Variants in DOCK3 observed in about 807,000 individuals in gnomAD.
DOCK3 encodes dedicator of cytokinesis protein 3.
A neutral mutation model predicts 265.6 loss-of-function variants in DOCK3; 60 were observed. The observed-to-expected ratio is 0.23, with a 90% CI of 0.18 to 0.28. DOCK3 has a LOEUF of 0.28. Among genes scored for constraint, DOCK3 ranks in the 10% least tolerant of loss-of-function variants. The pLI is 1.00. For synonymous variants in DOCK3, 881 were observed against 938.0 expected, an observed-to-expected ratio of 0.94 and a Z score of 1.11; for missense variants, 1,981 against 2,594.3, an observed-to-expected ratio of 0.76 and a Z score of 5.14.
At chr3:51,037,367 T>C (rs1392015860) in intron 5 of DOCK3, among the ~76,000 whole-genome samples, 3 of 152,164 alleles carry the variant, frequency 2.0e-5, no homozygotes, top group East Asian at 1.9e-4. Context: ...TAGTTCTTTA[T>C]TGGTGATTTG....
At chr3:51,148,057 A>C (rs2107317964) in intron 10 of DOCK3, among the ~76,000 whole-genome samples, 1 of 152,230 alleles carries the variant, frequency 6.6e-6, no homozygotes, top group East Asian at 1.9e-4. Flanking sequence ...ATGGTATCTC[A>C]TTGTGATTTT....
At chr3:51,142,453 G>T (rs540679127) in intron 9 of DOCK3, among the ~76,000 whole-genome samples, 1 of 152,138 alleles carries the variant, frequency 6.6e-6, no homozygotes, top group African/African-American at 2.4e-5. Context: ...CTATAGTTTT[G>T]TCTTTTCCAG....
intron 9 of DOCK3, among the ~76,000 whole-genome samples, chr3:51,099,664 A>G (rs1368973879): frequency 6.6e-6 from 1 of 152,224 alleles, no homozygotes; most frequent in African/African-American, 2.4e-5. Flanking sequence ...TACACCTGCT[A>G]TGTGCTTGTG....
chr3:51,111,005 C>CA (rs2083491582), intron 9 of DOCK3, among the ~76,000 whole-genome samples: 1 of 152,132 alleles, frequency 6.6e-6, no homozygotes, highest in Non-Finnish European at 1.5e-5. Flanking sequence ...AATCAGTGTA[C>CA]AAAAATCACT....
intron 19 of DOCK3, among the ~76,000 whole-genome samples, chr3:51,230,506 G>T (rs2127654): frequency 0.091 from 13,838 of 151,676 alleles, 1,316 homozygotes; most frequent in East Asian, 0.32. Context: ...TTGTCTTTTT[G>T]TTGTTGTTGT....
chr3:51,220,709 G>GTGTATATATATA (rs1208536854), intron 14 of DOCK3, among the ~76,000 whole-genome samples: 1 of 132,386 alleles, frequency 7.6e-6, no homozygotes, highest in Admixed American at 8.4e-5. Context: ...GTGTGTGTGT[G>GTGTATATATATA]TATATATATA....
chr3:50,937,587 C>G (rs979845908), intron 5 of DOCK3, among the ~76,000 whole-genome samples: 1 of 151,992 alleles, frequency 6.6e-6, no homozygotes, highest in Non-Finnish European at 1.5e-5. Flanking sequence ...ACCCGGAAGG[C>G]AGAGCTTGCA....
intron 5 of DOCK3, among the ~76,000 whole-genome samples, chr3:50,951,746 CTT>C (rs1291687925): frequency 6.6e-6 from 1 of 151,676 alleles, no homozygotes; most frequent in Non-Finnish European, 1.5e-5. Flanking sequence ...TTAAAACAAT[CTT>C]GAGAGAAAAC....
At chr3:50,977,443 C>A (rs1262742586) in intron 5 of DOCK3, among the ~76,000 whole-genome samples, 3 of 152,160 alleles carry the variant, frequency 2.0e-5, no homozygotes, top group African/African-American at 4.8e-5. Context: ...GTTGAAAATT[C>A]TTTTCTTTAA....
In DOCK3 at chr3:51,310,128, C is replaced by T. The variant is rs1423645211; in HGVS notation, c.2923-104C>T. On this transcript the variant is annotated intron_variant, in intron 27 of 52. Transcript: ENST00000266037. ...CACAGAGAGAACCAGATCTAACTCA[C>T]TGGTCCCACCCATTGTCATGATCTA... The T allele has an allele frequency of 1.2e-5, 10 of 843,318 alleles. No homozygotes were observed. In the East Asian group the frequency reaches 1.8e-4, roughly 16 times the overall value. The allele number at this position is 843,318 out of a possible 1,614,324, so 52.2% of individuals were successfully genotyped here.
intron 1 of DOCK3, among the ~76,000 whole-genome samples, chr3:50,776,400 T>C (rs2041603068): frequency 6.6e-6 from 1 of 152,134 alleles, no homozygotes; most frequent in Non-Finnish European, 1.5e-5. Context: ...GAGAATTGCC[T>C]ATTCATGTCC....
Position 50,997,647 on chromosome 3 carries a change from T to A in DOCK3, c.315+63570T>A, listed in dbSNP as rs533374073. On this transcript the variant is annotated intron_variant, in intron 5 of 52. Coordinates refer to ENST00000266037, the MANE Select transcript of DOCK3 (RefSeq NM_004947.5). ...GAAATGGGACTCAGAAAGGACCAAA[T>A]TCCCCCTGACACCTGAGACATTGTG... Among the ~76,000 whole-genome samples the A allele has an allele frequency of 3.9e-5, 6 of 152,304 alleles. No individual in the cohort carries two copies. In the East Asian group the frequency reaches 1.2e-3, roughly 29 times the overall value.
chr3:51,319,143 A>C (rs1434538054), intron 32 of DOCK3, among the ~76,000 whole-genome samples: 1 of 152,162 alleles, frequency 6.6e-6, no homozygotes, highest in Admixed American at 6.5e-5. Context: ...CCAGTGTTTT[A>C]CCAGTGAATA....
intron 2 of DOCK3, among the ~76,000 whole-genome samples, chr3:50,803,375 G>T (rs1037425256): frequency 6.6e-6 from 1 of 152,172 alleles, no homozygotes; most frequent in African/African-American, 2.4e-5. Context: ...ATGTTTCAGA[G>T]AGCACGGGGT....
At chr3:51,282,666 AAAAG>A (rs138610024) in intron 27 of DOCK3, among the ~76,000 whole-genome samples, 8,694 of 88,540 alleles carry the variant, frequency 0.098, 613 homozygotes, top group East Asian at 0.37. Flanking sequence ...AAAAAAAAAA[AAAAG>A]AAAAGAAAAG....
chr3:51,027,851 T>C (rs1217344274), intron 5 of DOCK3, among the ~76,000 whole-genome samples: 1 of 138,254 alleles, frequency 7.2e-6, no homozygotes. Flanking sequence ...GTCTCTTGAA[T>C]GCAGTAGAAA....
chr3:50,755,525 CA>C (rs1280745274), intron 1 of DOCK3, among the ~76,000 whole-genome samples: 5 of 152,116 alleles, frequency 3.3e-5, no homozygotes, highest in Non-Finnish European at 5.9e-5. Flanking sequence ...AAAAGAGAAC[CA>C]TTTGAATTAT....
rs193006529 is a variant in DOCK3, at chr3:50,764,865, C to T, written c.38-13810C>T. On this transcript the variant is annotated intron_variant, in intron 1 of 52. Coordinates refer to ENST00000266037, the MANE Select transcript of DOCK3 (RefSeq NM_004947.5). The stretch of plus-strand genomic sequence containing the variant: ...TCAAGTCTTCAGTTTTATTTTGCCA[C>T]GGATAAATCCTTCATTATATATAGT... Among the ~76,000 whole-genome samples the T allele has an allele frequency of 3.9e-5, 6 of 152,132 alleles. No individual in the cohort carries two copies. In the East Asian group the frequency reaches 9.6e-4, roughly 24 times the overall value.
intron 27 of DOCK3, among the ~76,000 whole-genome samples, chr3:51,297,117 C>CAAAAAAAAA (rs71633066): frequency 2.1e-4 from 14 of 65,902 alleles, no homozygotes; most frequent in African/African-American, 8.2e-4. Context: ...GACTCTGTCT[C>CAAAAAAAAA]AAAAAAAAAA....
Sources: gnomAD v4.1 joint callset for allele counts (sites outside exome capture counted in the v4.1 genomes callset) on GRCh38, gnomAD v4.1.1 for gene constraint, MANE v1.5 for transcripts, NCBI Gene and HGNC (gene_info 2026-07-23, HGNC 2026-07-21) for gene names.